The following NCAM1 variants were observed in gnomAD, a reference collection of about 807,000 sequenced individuals.
NCAM1 encodes antigen recognized by monoclonal antibody 5.1H11.
NCAM1 carries 14 observed loss-of-function variants against 109.8 expected under a neutral mutation model. That is an observed-to-expected ratio of 0.13 (90% CI 0.08 to 0.20). The LOEUF is 0.20. NCAM1 is among the 10% of genes least tolerant of loss of function. NCAM1 has a pLI of 1.00. For synonymous variants in NCAM1, 418 were observed against 442.9 expected (o/e 0.94, Z 0.70); for missense variants, 774 against 1,109.9 (o/e 0.70, Z 4.30).
rs1402645109 is a variant in NCAM1, at chr11:113,278,317, A to C, written c.*2930A>C. ...GTTATAAAACTTTTTACCAAGTGAA[A>C]CATCGATACCACCTTTGTTTCCATT... On this transcript the variant is annotated 3_prime_UTR_variant, in exon 20 of 20. Transcript: ENST00000316851. 1.3e-5 allele frequency: 2 copies of C among 152,232 alleles called. No individual in the cohort carries two copies. Among genetic ancestry groups the C allele is most frequent in the African/African-American group, 4.8e-5 (2 of 41,448 alleles). The allele number at this position is 152,232 out of a possible 1,614,324, so 9.4% of individuals were successfully genotyped here.
chr11:112,996,485 A>G (rs59069428), intron 1 of NCAM1, among the ~76,000 whole-genome samples: 20,780 of 152,226 alleles, frequency 0.14, 1,783 homozygotes, highest in South Asian at 0.4. Context: ...ACTGTTATAA[A>G]TTGGCTTGTT....
intron 16 of NCAM1, 33 bp from the exon 17 acceptor site, chr11:113,260,113 T>G: frequency 6.4e-7 from 1 of 1,569,058 alleles, no homozygotes; most frequent in Non-Finnish European, 8.6e-7. Context: ...TTTTTTGGTC[T>G]CTTGTATCCT....
chr11:113,091,850 CTCTT>C (rs1555089425), intron 1 of NCAM1, among the ~76,000 whole-genome samples: 1 of 152,204 alleles, frequency 6.6e-6, no homozygotes, highest in Non-Finnish European at 1.5e-5. Flanking sequence ...GTTGCAAAGC[CTCTT>C]TCTTTCTACT....
Position 113,117,961 on chromosome 11 carries a change from AT to A in NCAM1, c.53-84415del, listed in dbSNP as rs1328254666. 3.3e-5 allele frequency among the ~76,000 whole-genome samples: 5 copies of A among 152,138 alleles called. No homozygotes were observed. The East Asian group carries it at 7.7e-4, about 23-fold the overall frequency. On this transcript the variant is annotated intron_variant, in intron 1 of 19. Coordinates refer to ENST00000316851, the MANE Select transcript of NCAM1 (RefSeq NM_181351.5). ...TCCATTTGTAAGACCATCCTGGGCC[AT>A]TTAGACCTGAGAGTGAAGTGATTAA... is the stretch of plus-strand genomic sequence containing the variant.
rs781818836 is a variant in NCAM1 at position 113,009,312 on chromosome 11, GT to G, written c.52+47677del. On this transcript the variant is annotated intron_variant, in intron 1 of 19. Transcript: ENST00000316851. ...GATTTAATTGGAAGGGTTTTTTCGG[GT>G]TTTTTTTTTTTTTTTTTTTTTTTTT... Among the ~76,000 whole-genome samples the G allele has an allele frequency of 5.6e-3, 450 of 79,680 alleles. 1 individual carries two copies. The highest frequency in any genetic ancestry group is 6.7e-3 in the Non-Finnish European group (281 of 42,104). The allele number at this position is 79,680 out of a possible 152,430, so 52.3% of individuals were successfully genotyped here.
chr11:112,975,548 AT>A (rs1431039742), intron 1 of NCAM1, among the ~76,000 whole-genome samples: 25 of 151,908 alleles, frequency 1.6e-4, no homozygotes, highest in Admixed American at 2.0e-4. Context: ...TTTTCTCAGC[AT>A]TTTTTTCCTT....
intron 9 of NCAM1, among the ~76,000 whole-genome samples, chr11:113,223,179 A>G (rs150062120): frequency 0.013 from 2,052 of 152,336 alleles, 31 homozygotes; most frequent in African/African-American, 0.04. Context: ...GGTGGTCAGC[A>G]TGACTTTTTG....
intron 1 of NCAM1, among the ~76,000 whole-genome samples, chr11:113,012,567 T>C (rs1952098384): frequency 6.6e-6 from 1 of 152,208 alleles, no homozygotes; most frequent in Admixed American, 6.5e-5. Context: ...ATGCTTCCCT[T>C]GACAGCTCTA....
At chr11:113,069,973 C>CA (rs1423744960) in intron 1 of NCAM1, among the ~76,000 whole-genome samples, 24 of 151,578 alleles carry the variant, frequency 1.6e-4, no homozygotes, top group African/African-American at 4.1e-4. Flanking sequence ...ATTTGTCCAG[C>CA]AAAAAATGCA....
Position 113,231,813 on chromosome 11 carries a change from A to G in NCAM1, c.1240+18A>G. 1 of 1,613,796 alleles carries G rather than the reference A, an allele frequency of 6.2e-7. No individual in the cohort carries two copies. Among genetic ancestry groups the G allele is most frequent in the Middle Eastern group, 1.6e-4 (1 of 6,062 alleles). On this transcript the variant is annotated intron_variant, in intron 10 of 19. Transcript: ENST00000316851. ...AGTGCAATGTAAGGAATAAATGGGG[A>G]AGGACCTGGGGGAGGGAGGGGCAAG...
At chr11:113,239,575 G>A (rs1008100885) in intron 14 of NCAM1, among the ~76,000 whole-genome samples, 22 of 138,334 alleles carry the variant, frequency 1.6e-4, no homozygotes, top group African/African-American at 4.6e-4. Context: ...GCGGGATCTC[G>A]GCTCACTGCA....
Position 113,233,010 on chromosome 11 carries a change from T to C in NCAM1, c.1523-137T>C, listed in dbSNP as rs1945056420. On this transcript the variant is annotated intron_variant, in intron 12 of 19. Transcript: ENST00000316851. This position sits in a 1 kb window ranked among gnomAD's most constrained non-coding sequence, Gnocchi z 4.5. The stretch of plus-strand genomic sequence containing the variant: ...GTTGGGGGAGAAGCATCTGGTGAGA[T>C]GGGCCAGGAGGACAGGATACAGTGA... 1 of 999,344 alleles carries C rather than the reference T, an allele frequency of 1.0e-6. No homozygotes were observed. Among genetic ancestry groups the C allele is most frequent in the Non-Finnish European group, 1.5e-6 (1 of 676,788 alleles). The allele number at this position is 999,344 out of a possible 1,614,324, so 61.9% of individuals were successfully genotyped here.
chr11:113,274,437 A>G lies in NCAM1; in HGVS notation c.2457-830A>G, dbSNP rs549134729. Among the ~76,000 whole-genome samples the G allele has an allele frequency of 1.6e-4, 25 of 152,232 alleles. No homozygotes were observed. Among genetic ancestry groups the G allele is most frequent in the Admixed American group, 1.4e-3 (22 of 15,292 alleles). On this transcript the variant is annotated intron_variant, in intron 19 of 19. Coordinates refer to ENST00000316851, the MANE Select transcript of NCAM1 (RefSeq NM_181351.5). This position sits in a 1 kb window ranked among gnomAD's most constrained non-coding sequence, Gnocchi z 4.1. ...GAGGCTGGGGTCTGTGCCTGTCCCC[A>G]TGCATCCTCAGACCCGACTCCCTTT...
At chr11:113,002,849 G>A (rs1951792185) in intron 1 of NCAM1, among the ~76,000 whole-genome samples, 1 of 152,178 alleles carries the variant, frequency 6.6e-6, no homozygotes, top group Admixed American at 6.5e-5. Context: ...TTTGGATTCT[G>A]CTTTATGATA....
chr11:113,030,723 T>C (rs1952688619), intron 1 of NCAM1, among the ~76,000 whole-genome samples: 1 of 152,204 alleles, frequency 6.6e-6, no homozygotes, highest in Non-Finnish European at 1.5e-5. Context: ...AGTACTTGAA[T>C]TCTTGCAATA....
At chr11:113,012,565 C>T (rs1952098319) in intron 1 of NCAM1, among the ~76,000 whole-genome samples, 3 of 152,152 alleles carry the variant, frequency 2.0e-5, no homozygotes, top group South Asian at 4.1e-4. Context: ...CCATGCTTCC[C>T]TTGACAGCTC....
At chr11:112,994,015 C>T (rs781872982) in intron 1 of NCAM1, among the ~76,000 whole-genome samples, 2 of 152,200 alleles carry the variant, frequency 1.3e-5, no homozygotes, top group Non-Finnish European at 2.9e-5. Flanking sequence ...AGCTGTCACC[C>T]TGGGATGACC....
intron 15 of NCAM1, among the ~76,000 whole-genome samples, chr11:113,250,818 G>C (rs1945655060): frequency 6.6e-6 from 1 of 152,174 alleles, no homozygotes; most frequent in South Asian, 2.1e-4. Flanking sequence ...TGTTTCTTTT[G>C]AGGCTGAGTC....
At chr11:113,209,090 C>T (rs954512606) in intron 7 of NCAM1, among the ~76,000 whole-genome samples, 10 of 152,224 alleles carry the variant, frequency 6.6e-5, no homozygotes, top group Non-Finnish European at 5.9e-5. Flanking sequence ...CAAGTCTCTC[C>T]GCGTGTCTGT....
Sources: allele counts gnomAD v4.1 joint callset (sites outside exome capture counted in the v4.1 genomes callset), GRCh38; gene constraint gnomAD v4.1.1; non-coding constraint Gnocchi (gnomAD v3.1); transcripts MANE v1.5; gene names NCBI Gene and HGNC (gene_info 2026-07-23, HGNC 2026-07-21).